The following NALF1 variants were observed in gnomAD, a reference collection of about 807,000 sequenced individuals.
NALF1 encodes the protein NALCN channel auxiliary factor 1, also known as family with sequence similarity 155 member A.
Under a neutral mutation model 48.4 loss-of-function variants are expected in NALF1, and 3 were observed. That is an observed-to-expected ratio of 0.06 (90% CI 0.03 to 0.16). NALF1 has a LOEUF of 0.16. Ranked by LOEUF, NALF1 falls within the 10% of genes least tolerant of loss-of-function variation. The pLI is 1.00. For missense variants in NALF1, 526 were observed against 571.5 expected, an observed-to-expected ratio of 0.92 and a Z score of 0.81; for synonymous variants, 262 against 245.7, an observed-to-expected ratio of 1.07 and a Z score of -0.62.
At chr13:107,748,744 G>A (rs2138550536) in intron 1 of NALF1, among the ~76,000 whole-genome samples, 1 of 152,298 alleles carries the variant, frequency 6.6e-6, no homozygotes, top group Admixed American at 6.5e-5. Context: ...ATATGGAAAT[G>A]CATGTACTAC....
chr13:107,834,292 GGGACAACTGTGGTCAATTAGACCACTTA>G lies in NALF1; in HGVS notation c.915+31362_915+31389del, dbSNP rs1346508586. Among the ~76,000 whole-genome samples the G allele has an allele frequency of 8.5e-5, 13 of 152,276 alleles. 1 individual carries two copies. The highest frequency in any genetic ancestry group is 1.9e-4 in the East Asian group (1 of 5,182). Reference sequence around the variant, plus strand: ...GAACCCAATCCCTCTCAAATACCAAGGGACAACTGTGGTCAATTAGACCACTTAGGACAACTGTGGTCAATTAGACCAC... The same window carrying G: ...GAACCCAATCCCTCTCAAATACCAAGGGACAACTGTGGTCAATTAGACCAC... On this transcript the variant is annotated intron_variant, in intron 1 of 2. Coordinates refer to ENST00000375915, the MANE Select transcript of NALF1 (RefSeq NM_001080396.3).
rs762670253 is a variant in NALF1, at chr13:107,482,233, GC to G, written c.916-271479del. Among the ~76,000 whole-genome samples, 4 of 152,088 alleles carry G rather than the reference GC, an allele frequency of 2.6e-5. No homozygotes were observed. The East Asian group carries it at 7.7e-4, about 29-fold the overall frequency. The stretch of plus-strand genomic sequence containing the variant: ...AGATGGCCTTTGGATTTGAGCTGCA[GC>G]ATCAGCTCTTTCCTGGGTCTCCAGC... On this transcript the variant is annotated intron_variant, in intron 1 of 2. Coordinates refer to ENST00000375915, the MANE Select transcript of NALF1 (RefSeq NM_001080396.3).
intron 1 of NALF1, among the ~76,000 whole-genome samples, chr13:107,258,218 T>C (rs1017722643): frequency 6.6e-6 from 1 of 152,196 alleles, no homozygotes; most frequent in Admixed American, 6.5e-5. Flanking sequence ...GTAAAATCAA[T>C]AGAAATTAGA....
chr13:107,709,512 T>C (rs1366944350), intron 1 of NALF1, among the ~76,000 whole-genome samples: 1 of 152,248 alleles, frequency 6.6e-6, no homozygotes, highest in Non-Finnish European at 1.5e-5. Context: ...ACCACAAATG[T>C]GCTTCACAAG....
At chr13:107,314,103 A>G (rs754156409) in intron 1 of NALF1, among the ~76,000 whole-genome samples, 5 of 152,192 alleles carry the variant, frequency 3.3e-5, no homozygotes, top group Non-Finnish European at 7.3e-5. Context: ...CAAAAGGTAC[A>G]ACAGCAAGTC....
At chr13:107,648,206 C>T (rs1340978968) in intron 1 of NALF1, among the ~76,000 whole-genome samples, 1 of 152,132 alleles carries the variant, frequency 6.6e-6, no homozygotes, top group Non-Finnish European at 1.5e-5. Flanking sequence ...TTCCCTCATT[C>T]ACATTAGGGT....
At chr13:107,378,428 A>G (rs945544355) in intron 1 of NALF1, among the ~76,000 whole-genome samples, 1 of 152,120 alleles carries the variant, frequency 6.6e-6, no homozygotes, top group Non-Finnish European at 1.5e-5. Context: ...GTCTATATAT[A>G]TAAATGATAT....
intron 1 of NALF1, among the ~76,000 whole-genome samples, chr13:107,372,117 G>A (rs1020737815): frequency 3.2e-5 from 4 of 123,238 alleles, no homozygotes; most frequent in African/African-American, 8.2e-5. Context: ...CCGCAGAACA[G>A]GAAAGGTGTT....
intron 1 of NALF1, among the ~76,000 whole-genome samples, chr13:107,369,159 A>T (rs144310216): frequency 1.3e-3 from 199 of 152,336 alleles, no homozygotes; most frequent in African/African-American, 4.3e-3. Context: ...CAGAGTATGT[A>T]TCAGATGAAC....
At chr13:107,398,503 G>T (rs771621757) in intron 1 of NALF1, among the ~76,000 whole-genome samples, 2 of 152,030 alleles carry the variant, frequency 1.3e-5, no homozygotes, top group Non-Finnish European at 2.9e-5. Context: ...ATGTTAAAAT[G>T]CTGGTTCTTC....
chr13:107,740,714 A>G (rs571856688), intron 1 of NALF1, among the ~76,000 whole-genome samples: 14 of 152,350 alleles, frequency 9.2e-5, no homozygotes, highest in Admixed American at 2.0e-4. Flanking sequence ...ATCATTTTAT[A>G]AATGGGCATC....
chr13:107,210,842 T>C (rs1879746142), intron 1 of NALF1, 87 bp from the exon 2 acceptor site: 6 of 846,612 alleles, frequency 7.1e-6, no homozygotes, highest in Non-Finnish European at 1.2e-5. Flanking sequence ...AAGCGTGCTG[T>C]GGTTTCAAGT....
chr13:107,676,680 A>C (rs1398960541), intron 1 of NALF1, among the ~76,000 whole-genome samples: 1 of 151,516 alleles, frequency 6.6e-6, no homozygotes, highest in Non-Finnish European at 1.5e-5. Flanking sequence ...AATTTACAGA[A>C]AAGATGAAAG....
At chr13:107,538,163 A>C (rs1876891673) in intron 1 of NALF1, among the ~76,000 whole-genome samples, 1 of 152,116 alleles carries the variant, frequency 6.6e-6, no homozygotes. Flanking sequence ...ATTGACTTTC[A>C]ATTCTTCTAT....
intron 1 of NALF1, among the ~76,000 whole-genome samples, chr13:107,612,189 A>G (rs1879249890): frequency 6.7e-6 from 1 of 149,512 alleles, no homozygotes; most frequent in South Asian, 2.2e-4. Flanking sequence ...AAAGAAAACA[A>G]TAATGCATGA....
chr13:107,671,656 T>C (rs547339870), intron 1 of NALF1, among the ~76,000 whole-genome samples: 8 of 152,224 alleles, frequency 5.3e-5, no homozygotes, highest in Admixed American at 2.0e-4. Flanking sequence ...ATTTGCCACA[T>C]ATAGGTGAAC....
chr13:107,224,865 T>C (rs529658055), intron 1 of NALF1, among the ~76,000 whole-genome samples: 18 of 152,320 alleles, frequency 1.2e-4, no homozygotes, highest in African/African-American at 4.3e-4. Context: ...CCACAGCTAA[T>C]AATTTGATAT....
rs2138754845 is a variant in NALF1, at chr13:107,164,185, A to C, written c.*6312T>G. On this transcript the variant is annotated 3_prime_UTR_variant, in exon 3 of 3. Transcript: ENST00000375915. ...AATGCTCATTACCTGGTCTTCACTG[A>C]AGTTGTAAATTTATTTCACTGATCC... The C allele has an allele frequency of 6.6e-6, 1 of 152,288 alleles. No individual in the cohort carries two copies. Among genetic ancestry groups the C allele is most frequent in the East Asian group, 1.9e-4 (1 of 5,170 alleles). 9.4% of individuals were successfully genotyped at this position (152,288 alleles called of 1,614,324 possible).
chr13:107,244,844 T>G (rs1306770981), intron 1 of NALF1, among the ~76,000 whole-genome samples: 1 of 152,188 alleles, frequency 6.6e-6, no homozygotes, highest in South Asian at 2.1e-4. Flanking sequence ...GCCTACTAAT[T>G]TTTTTAGCTT....
Sources: gnomAD v4.1 joint callset for allele counts (sites outside exome capture counted in the v4.1 genomes callset) on GRCh38, gnomAD v4.1.1 for gene constraint, MANE v1.5 for transcripts, NCBI Gene and HGNC (gene_info 2026-07-23, HGNC 2026-07-21) for gene names.